CHMP2B: variants seen among roughly 807,000 people sequenced by gnomAD.
CHMP2B encodes the protein VPS2 homolog B.
Under a neutral mutation model 29.8 loss-of-function variants are expected in CHMP2B, and 22 were observed. The observed-to-expected ratio is 0.74, with a 90% CI of 0.53 to 1.05. CHMP2B has a LOEUF of 1.05. Ranked by LOEUF, CHMP2B falls within the 50% of genes least tolerant of loss-of-function variation. The pLI, the probability that CHMP2B is intolerant of heterozygous loss-of-function variation, is 0.00. For missense variants in CHMP2B, 261 were observed against 252.2 expected (o/e 1.03, Z -0.24); for synonymous variants, 78 against 75.8 (o/e 1.03, Z -0.15).
chr3:87,247,615 C>T (rs941775195), intron 3 of CHMP2B, among the ~76,000 whole-genome samples: 2 of 152,124 alleles, frequency 1.3e-5, no homozygotes, highest in Admixed American at 6.5e-5. Context: ...CACAGATGAG[C>T]ATTAAAACAC....
chr3:87,230,849 A>G (rs951098538), intron 1 of CHMP2B, among the ~76,000 whole-genome samples: 1 of 152,154 alleles, frequency 6.6e-6, no homozygotes, highest in Non-Finnish European at 1.5e-5. Flanking sequence ...GGCCATTATT[A>G]GTGAACATCT....
intron 1 of CHMP2B, among the ~76,000 whole-genome samples, chr3:87,228,298 T>C (rs1705850283): frequency 6.6e-6 from 1 of 152,246 alleles, no homozygotes; most frequent in African/African-American, 2.4e-5. Context: ...ATGTACAAGT[T>C]TTATGGTGCT....
chr3:87,240,626 T>G (rs1706099689), intron 1 of CHMP2B, 73 bp from the exon 2 acceptor site: 1 of 1,043,218 alleles, frequency 9.6e-7, no homozygotes, highest in Non-Finnish European at 1.5e-6. Flanking sequence ...TCATGATCTG[T>G]GAATCCAGTA....
rs1706206561 is a variant in CHMP2B at position 87,246,033 on chromosome 3, G to A, written c.321+125G>A. 1.3e-5 allele frequency: 9 copies of A among 708,940 alleles called. 1 individual carries two copies. The South Asian group carries it at 1.7e-4, about 13-fold the overall frequency. 43.9% of individuals were successfully genotyped at this position (708,940 alleles called of 1,614,324 possible). On this transcript the variant is annotated intron_variant, in intron 3 of 5. Transcript: ENST00000263780. ...TGATACAAAATGTGTGTAATTTTTAGTAAAATGAGTTATAATACTAGATAA... is the reference window on the plus strand; with the variant it reads ...TGATACAAAATGTGTGTAATTTTTAATAAAATGAGTTATAATACTAGATAA...
intron 2 of CHMP2B, among the ~76,000 whole-genome samples, chr3:87,241,170 TTTA>T (rs1706112239): frequency 6.6e-6 from 1 of 152,210 alleles, no homozygotes; most frequent in Non-Finnish European, 1.5e-5. Flanking sequence ...TGCTTGATAT[TTTA>T]AAGATCGTTG....
Position 87,253,823 on chromosome 3 carries a change from T to G in CHMP2B, c.*1T>G. On this transcript the variant is annotated 3_prime_UTR_variant, in exon 6 of 6. Transcript: ENST00000263780. ...ACTCAAGGCTTTAGGAGTAGATTAG[T>G]CAAAAGAAGTCATACTATTTTGCTT... 6.3e-7 allele frequency: 1 copy of G among 1,597,536 alleles called. No homozygotes were observed. The highest frequency in any genetic ancestry group is 8.6e-7 in the Non-Finnish European group (1 of 1,165,720).
intron 1 of CHMP2B, among the ~76,000 whole-genome samples, chr3:87,236,794 G>A (rs536223342): frequency 9.9e-5 from 15 of 151,716 alleles, no homozygotes; most frequent in South Asian, 2.1e-4. Flanking sequence ...CCTGGGAGGC[G>A]AACCGAGATC....
At chr3:87,251,584 T>A (rs2040063575) in intron 4 of CHMP2B, among the ~76,000 whole-genome samples, 1 of 151,960 alleles carries the variant, frequency 6.6e-6, no homozygotes, top group Non-Finnish European at 1.5e-5. Flanking sequence ...TGATGGTTAC[T>A]CATTTTTTTA....
At chr3:87,233,262 T>C (rs552023586) in intron 1 of CHMP2B, among the ~76,000 whole-genome samples, 4 of 152,290 alleles carry the variant, frequency 2.6e-5, no homozygotes, top group South Asian at 2.1e-4. Flanking sequence ...GTGTCAGATA[T>C]ACCATTCCCA....
intron 4 of CHMP2B, among the ~76,000 whole-genome samples, chr3:87,250,446 C>T (rs185808926): frequency 2.6e-5 from 4 of 151,956 alleles, no homozygotes; most frequent in Admixed American, 6.6e-5. Context: ...AGAGACAGAG[C>T]ATATAAAAAT....
intron 2 of CHMP2B, among the ~76,000 whole-genome samples, chr3:87,244,296 A>G (rs6551464): frequency 0.42 from 63,082 of 151,382 alleles, 13,373 homozygotes; most frequent in South Asian, 0.58. Context: ...TGCCCGCCTC[A>G]GCCTCCCAAA....
chr3:87,245,674 T>A, intron 2 of CHMP2B, 40 bp from the exon 3 acceptor site: 4 of 1,525,154 alleles, frequency 2.6e-6, no homozygotes, highest in Admixed American at 1.7e-5. Context: ...ACGACTACCC[T>A]TTAATAATTT....
chr3:87,229,568 GTTTTT>G (rs889508923), intron 1 of CHMP2B, among the ~76,000 whole-genome samples: 1 of 151,370 alleles, frequency 6.6e-6, no homozygotes, highest in Non-Finnish European at 1.5e-5. Flanking sequence ...TTGAAAGGAA[GTTTTT>G]TTTTGTTTTG....
In CHMP2B at chr3:87,254,457, AATT is replaced by A. The variant is rs1297345196; in HGVS notation, c.*639_*641del. 6.6e-6 allele frequency: 1 copy of A among 152,478 alleles called. No homozygotes were observed. The highest frequency in any genetic ancestry group is 2.4e-5 in the African/African-American group (1 of 41,444). 9.4% of individuals were successfully genotyped at this position (152,478 alleles called of 1,614,324 possible). On this transcript the variant is annotated 3_prime_UTR_variant, in exon 6 of 6. Coordinates refer to ENST00000263780, the MANE Select transcript of CHMP2B (RefSeq NM_014043.4). ...CACAGACCTATTGTGCACATCTTTA[AATT>A]ATTTCAGCTGGCAGAAAAGAATTAC... is the stretch of plus-strand genomic sequence containing the variant.
At chr3:87,235,096 A>G (rs1165655622) in intron 1 of CHMP2B, among the ~76,000 whole-genome samples, 1 of 152,212 alleles carries the variant, frequency 6.6e-6, no homozygotes, top group Non-Finnish European at 1.5e-5. Context: ...TGCTATTTGC[A>G]TGAAGAAAGG....
At chr3:87,246,751 C>T (rs1276738838) in intron 3 of CHMP2B, among the ~76,000 whole-genome samples, 1 of 152,188 alleles carries the variant, frequency 6.6e-6, no homozygotes, top group Non-Finnish European at 1.5e-5. Flanking sequence ...GACTCTGAGT[C>T]TTTCAGTCAT....
At chr3:87,239,159 A>T (rs1706069581) in intron 1 of CHMP2B, among the ~76,000 whole-genome samples, 1 of 152,066 alleles carries the variant, frequency 6.6e-6, no homozygotes, top group African/African-American at 2.4e-5. Flanking sequence ...TTTTTTATAT[A>T]TTCTGCATAC....
chr3:87,250,552 A>G (rs111911101), intron 4 of CHMP2B, among the ~76,000 whole-genome samples: 43 of 152,054 alleles, frequency 2.8e-4, no homozygotes, highest in African/African-American at 1.0e-3. Flanking sequence ...ATCACCTTAC[A>G]TGTACAATTA....
In CHMP2B at chr3:87,255,395, C is replaced by T. The variant is rs774500018; in HGVS notation, c.*1573C>T. On this transcript the variant is annotated 3_prime_UTR_variant, in exon 6 of 6. Coordinates refer to ENST00000263780, the MANE Select transcript of CHMP2B (RefSeq NM_014043.4). ...GATTCTTGAATGTACATAATAATGC[C>T]ATCTAACTTATTTACGTTCTTGTTT... 1.3e-5 allele frequency: 2 copies of T among 152,292 alleles called. No homozygotes were observed. Among genetic ancestry groups the T allele is most frequent in the African/African-American group, 4.8e-5 (2 of 41,374 alleles). The allele number at this position is 152,292 out of a possible 1,614,324, so 9.4% of individuals were successfully genotyped here.
Sources: gnomAD v4.1 joint callset for allele counts (sites outside exome capture counted in the v4.1 genomes callset) on GRCh38, gnomAD v4.1.1 for gene constraint, MANE v1.5 for transcripts, NCBI Gene and HGNC (gene_info 2026-07-23, HGNC 2026-07-21) for gene names.